The following CLEC16A variants were observed in gnomAD, a reference collection of about 807,000 sequenced individuals.
CLEC16A encodes C-type lectin domain containing 16A.
Under a neutral mutation model 109.5 loss-of-function variants are expected in CLEC16A, and 51 were observed. The observed-to-expected ratio is 0.47, with a 90% confidence interval of 0.37 to 0.59. CLEC16A has a LOEUF of 0.59. Ranked by LOEUF, CLEC16A falls within the 20% of genes least tolerant of loss-of-function variation. The pLI is 0.00. For synonymous variants in CLEC16A, 673 were observed against 564.2 expected, an observed-to-expected ratio of 1.19 and a Z score of -2.73; for missense variants, 1,339 against 1,394.0, an observed-to-expected ratio of 0.96 and a Z score of 0.63.
Position 10,972,480 on chromosome 16 carries a change from A to G in CLEC16A, c.599-74A>G. 4.2e-6 allele frequency: 6 copies of G among 1,420,862 alleles called. No homozygotes were observed. The Admixed American group carries it at 5.4e-5, about 13-fold the overall frequency. The allele number at this position is 1,420,862 out of a possible 1,614,324, so 88.0% of individuals were successfully genotyped here. A position where few individuals can be genotyped will look rare whatever the true frequency, so the allele number is the denominator to read the frequency against. ...CTCTGAGCAGCTCTCTCACCTTCCC[A>G]GGTCCTAACCCTGTTAACTGTTGTC... On this transcript the variant is annotated intron_variant, in intron 5 of 23. Coordinates refer to ENST00000409790, the MANE Select transcript of CLEC16A (RefSeq NM_015226.3).
intron 19 of CLEC16A, among the ~76,000 whole-genome samples, chr16:11,098,747 T>C (rs933026796): frequency 1.3e-5 from 2 of 152,182 alleles, no homozygotes; most frequent in African/African-American, 2.4e-5. Context: ...CCTTTCCAGT[T>C]GCCTGCACAT....
At chr16:11,064,559 T>C (rs1420800454) in intron 19 of CLEC16A, among the ~76,000 whole-genome samples, 1 of 152,204 alleles carries the variant, frequency 6.6e-6, no homozygotes, top group African/African-American at 2.4e-5. Flanking sequence ...GGAAGATCAC[T>C]TGAGCTCAGG....
intron 22 of CLEC16A, among the ~76,000 whole-genome samples, chr16:11,153,600 T>C (rs1282705751): frequency 2.0e-5 from 3 of 150,258 alleles, no homozygotes; most frequent in Non-Finnish European, 4.4e-5. Flanking sequence ...TTGCCTGTAA[T>C]GCAGAATTCT....
chr16:11,061,071 A>T (rs1188856521), intron 19 of CLEC16A, 49 bp downstream of exon 19: 2 of 1,545,636 alleles, frequency 1.3e-6, no homozygotes, highest in Admixed American at 1.8e-5. Context: ...GACATGGGAC[A>T]TGGGACACCA....
intron 11 of CLEC16A, among the ~76,000 whole-genome samples, chr16:11,016,287 G>A (rs111971663): frequency 0.016 from 2,459 of 152,052 alleles, 68 homozygotes; most frequent in African/African-American, 0.056. Context: ...TGGCAGAAGG[G>A]AAAGAGAATT....
chr16:11,122,218 C>T (rs2052472761), intron 20 of CLEC16A, among the ~76,000 whole-genome samples: 1 of 152,198 alleles, frequency 6.6e-6, no homozygotes, highest in South Asian at 2.1e-4. Context: ...CAGCCTCTTC[C>T]CCAGCCTCCT....
intron 9 of CLEC16A, among the ~76,000 whole-genome samples, chr16:10,980,136 A>G (rs570373940): frequency 6.6e-6 from 1 of 152,294 alleles, no homozygotes; most frequent in African/African-American, 2.4e-5. Context: ...TTGATGAGGA[A>G]CTGTCCTTCT....
At chr16:11,018,703 C>T (rs1324667849) in intron 11 of CLEC16A, among the ~76,000 whole-genome samples, 25 of 146,936 alleles carry the variant, frequency 1.7e-4, no homozygotes, top group Non-Finnish European at 3.1e-4. Flanking sequence ...GAGCCGAGAT[C>T]ATGCTACTGC....
chr16:11,101,557 T>G (rs2050916906), intron 19 of CLEC16A, among the ~76,000 whole-genome samples: 1 of 152,194 alleles, frequency 6.6e-6, no homozygotes, highest in African/African-American at 2.4e-5. Context: ...GCCTTTTATC[T>G]TGTCTCTCCA....
intron 11 of CLEC16A, among the ~76,000 whole-genome samples, chr16:11,014,935 G>A (rs2152785791): frequency 6.6e-6 from 1 of 152,172 alleles, no homozygotes; most frequent in East Asian, 1.9e-4. Flanking sequence ...CCTCTTTGAT[G>A]TCCTCTTCTA....
intron 10 of CLEC16A, among the ~76,000 whole-genome samples, chr16:10,992,684 C>A (rs565488968): frequency 3.4e-4 from 51 of 151,930 alleles, no homozygotes; most frequent in African/African-American, 1.2e-3. Flanking sequence ...GCCATACTTA[C>A]CCTTGTGCAC....
chr16:10,971,473 T>C, intron 5 of CLEC16A: 1 of 829,870 alleles, frequency 1.2e-6, no homozygotes, highest in Non-Finnish European at 1.5e-6. Context: ...TAGGATGTCC[T>C]GAGAGGCACG....
At chr16:11,092,300 C>T (rs1363066842) in intron 19 of CLEC16A, among the ~76,000 whole-genome samples, 1 of 151,720 alleles carries the variant, frequency 6.6e-6, no homozygotes, top group Non-Finnish European at 1.5e-5. Flanking sequence ...GCCAAGATCA[C>T]ACCACTGCAC....
At chr16:11,167,042 G>A (rs2068296729) in intron 23 of CLEC16A, among the ~76,000 whole-genome samples, 3 of 152,114 alleles carry the variant, frequency 2.0e-5, no homozygotes, top group South Asian at 4.1e-4. Flanking sequence ...TGATGAAGTC[G>A]TATCTTGCCA....
At chr16:11,005,733 A>T (rs2044962246) in intron 11 of CLEC16A, among the ~76,000 whole-genome samples, 1 of 152,182 alleles carries the variant, frequency 6.6e-6, no homozygotes, top group Non-Finnish European at 1.5e-5. Flanking sequence ...ATGAAACTGC[A>T]CAGCTGTTAA....
chr16:10,994,199 C>G (rs1216182066), intron 10 of CLEC16A, among the ~76,000 whole-genome samples: 4 of 152,200 alleles, frequency 2.6e-5, no homozygotes, highest in Non-Finnish European at 4.4e-5. Context: ...GGCCTGCTAC[C>G]TTTGCATGTT....
intron 11 of CLEC16A, among the ~76,000 whole-genome samples, chr16:11,005,163 G>A (rs2044922054): frequency 6.6e-6 from 1 of 152,206 alleles, no homozygotes; most frequent in Non-Finnish European, 1.5e-5. Context: ...TAACAGTGGT[G>A]TGGATCAGAC....
At chr16:11,032,158 G>A (rs951954892) in intron 13 of CLEC16A, among the ~76,000 whole-genome samples, 1 of 152,224 alleles carries the variant, frequency 6.6e-6, no homozygotes, top group African/African-American at 2.4e-5. Flanking sequence ...AGAGGACAGA[G>A]CAAGAAGGGG....
At chr16:11,090,952 G>A (rs2050271558) in intron 19 of CLEC16A, among the ~76,000 whole-genome samples, 1 of 151,174 alleles carries the variant, frequency 6.6e-6, no homozygotes, top group Non-Finnish European at 1.5e-5. Context: ...TTACAGGCAT[G>A]AGCCACGGTG....
Sources: gnomAD v4.1 joint callset for allele counts (sites outside exome capture counted in the v4.1 genomes callset) on GRCh38, gnomAD v4.1.1 for gene constraint, MANE v1.5 for transcripts, NCBI Gene and HGNC (gene_info 2026-07-23, HGNC 2026-07-21) for gene names.